The following POLDIP3 variants were observed in gnomAD, a reference collection of about 807,000 sequenced individuals.
POLDIP3 encodes the protein DNA polymerase delta interacting protein 3.
Under a neutral mutation model 45.1 loss-of-function variants are expected in POLDIP3, and 14 were observed. The observed-to-expected ratio is 0.31, with a 90% confidence interval of 0.20 to 0.49. The LOEUF is 0.49. Ranked by LOEUF, POLDIP3 falls within the 20% of genes least tolerant of loss-of-function variation. The pLI is 0.99. For missense variants in POLDIP3, 511 were observed against 538.8 expected, an observed-to-expected ratio of 0.95 and a Z score of 0.51; for synonymous variants, 223 against 205.2, an observed-to-expected ratio of 1.09 and a Z score of -0.74.
chr22:42,611,819 C>A (rs1019840053), intron 1 of POLDIP3, among the ~76,000 whole-genome samples: 2 of 152,120 alleles, frequency 1.3e-5, no homozygotes, highest in Admixed American at 1.3e-4. Flanking sequence ...AGAGGTTGCA[C>A]TGAGCTGAGA....
In POLDIP3 at chr22:42,589,575, C is replaced by A. The variant is rs1170209262; in HGVS notation, c.1022-2003G>T. Among the ~76,000 whole-genome samples, 4 of 152,032 alleles carry A rather than the reference C, an allele frequency of 2.6e-5. No individual in the cohort carries two copies. The East Asian group carries it at 7.7e-4, about 29-fold the overall frequency. ...CTCTAATCCCAGCACTTTGGGAAGC[C>A]CAGGTGGACGGATCACTTGAGGTCA... On this transcript the variant is annotated intron_variant, in intron 7 of 8. Coordinates refer to ENST00000252115, the MANE Select transcript of POLDIP3 (RefSeq NM_032311.5).
At chr22:42,613,451 G>A (rs1317825273) in intron 1 of POLDIP3, among the ~76,000 whole-genome samples, 2 of 152,152 alleles carry the variant, frequency 1.3e-5, no homozygotes, top group Non-Finnish European at 2.9e-5. Flanking sequence ...ACAGGCATAC[G>A]GGTGGTATTA....
Position 42,584,032 on chromosome 22 carries a change from G to C in POLDIP3, c.*1759C>G, listed in dbSNP as rs1281859735. The C allele has an allele frequency of 3.9e-5, 6 of 152,426 alleles. No homozygotes were observed. Among genetic ancestry groups the C allele is most frequent in the Admixed American group, 3.9e-4 (6 of 15,262 alleles). 9.4% of individuals were successfully genotyped at this position (152,426 alleles called of 1,614,324 possible). A position where few individuals can be genotyped will look rare whatever the true frequency, so the allele number is the denominator to read the frequency against. On this transcript the variant is annotated 3_prime_UTR_variant, in exon 9 of 9. Transcript: ENST00000252115. ...GTGACAACCAGAAGATACCTGCTTT[G>C]GGATGAGAGGGAGGATAAAGCCATG...
intron 5 of POLDIP3, 27 bp downstream of exon 5, chr22:42,596,159 C>T: frequency 1.2e-6 from 2 of 1,611,404 alleles, no homozygotes; most frequent in African/African-American, 2.7e-5. Flanking sequence ...CTGACCCCAA[C>T]TGCTGCAGTC....
chr22:42,595,608 G>A lies in POLDIP3; in HGVS notation c.820C>T (p.Leu274Phe), dbSNP rs1353383919. The A allele has an allele frequency of 6.2e-7, 1 of 1,613,796 alleles. No individual in the cohort carries two copies. Among genetic ancestry groups the A allele is most frequent in the Admixed American group, 1.7e-5 (1 of 60,020 alleles). ...PKELPAAEPV[L>F]SPLEGTKMTV... The stretch of plus-strand genomic sequence containing the variant: ...ATCTTGGTGCCTTCCAATGGGCTGA[G>A]AACAGGCTGCCACACAGACAAGAGC... Residue 274 changes from leucine to phenylalanine, a missense_variant, in exon 6 of 9, where the codon CTC (leucine) becomes TTC (phenylalanine). Coordinates refer to ENST00000252115, the MANE Select transcript of POLDIP3 (RefSeq NM_032311.5).
chr22:42,606,100 C>T (rs922028017), intron 1 of POLDIP3, among the ~76,000 whole-genome samples: 3 of 152,130 alleles, frequency 2.0e-5, no homozygotes, highest in African/African-American at 7.2e-5. Flanking sequence ...CAAGATCACA[C>T]CACTGCACTC....
chr22:42,613,630 G>A (rs1011247129), intron 1 of POLDIP3, among the ~76,000 whole-genome samples: 3 of 152,080 alleles, frequency 2.0e-5, no homozygotes, highest in South Asian at 4.2e-4. Context: ...GCGTGGTGGT[G>A]CACACCTGTA....
chr22:42,607,077 C>G (rs949404930), intron 1 of POLDIP3, among the ~76,000 whole-genome samples: 1 of 152,200 alleles, frequency 6.6e-6, no homozygotes, highest in Non-Finnish European at 1.5e-5. Context: ...CCAGCCTGGG[C>G]AACATGGCAA....
chr22:42,592,174 C>T lies in POLDIP3; in HGVS notation c.892-90G>A, dbSNP rs553743416. 139 of 1,565,786 alleles carry T rather than the reference C, an allele frequency of 8.9e-5. No individual in the cohort carries two copies. The African/African-American group carries it at 1.4e-3, about 16-fold the overall frequency. ...TGAAGGCCCTGGGGTGTGGTGGTTCCGCTGCAGCTAAATGCGCCCTGCGCC... is the reference window on the plus strand; with the variant it reads ...TGAAGGCCCTGGGGTGTGGTGGTTCTGCTGCAGCTAAATGCGCCCTGCGCC... On this transcript the variant is annotated intron_variant, in intron 6 of 8. Coordinates refer to ENST00000252115, the MANE Select transcript of POLDIP3 (RefSeq NM_032311.5).
At chr22:42,607,264 G>A (rs944403179) in intron 1 of POLDIP3, among the ~76,000 whole-genome samples, 3 of 152,186 alleles carry the variant, frequency 2.0e-5, no homozygotes, top group African/African-American at 4.8e-5. Context: ...GGCGCGCACC[G>A]CCATGCCTGA....
intron 6 of POLDIP3, among the ~76,000 whole-genome samples, chr22:42,593,640 T>G (rs994025207): frequency 3.9e-5 from 6 of 152,164 alleles, no homozygotes; most frequent in African/African-American, 1.4e-4. Flanking sequence ...TGCCTTAGCC[T>G]CCTGAGTAGC....
At chr22:42,606,911 T>C (rs1926764361) in intron 1 of POLDIP3, among the ~76,000 whole-genome samples, 1 of 152,062 alleles carries the variant, frequency 6.6e-6, no homozygotes, top group Admixed American at 6.5e-5. Context: ...AAGCATCAAT[T>C]AAATAAGCAT....
intron 6 of POLDIP3, 139 bp from the exon 7 acceptor site, chr22:42,592,223 C>A (rs544411155): frequency 4.7e-6 from 6 of 1,270,994 alleles, no homozygotes; most frequent in Non-Finnish European, 6.6e-6. Flanking sequence ...AGGCTCCACG[C>A]GAGGTGGTGC....
At chr22:42,607,305 G>A (rs1372865305) in intron 1 of POLDIP3, among the ~76,000 whole-genome samples, 1 of 152,256 alleles carries the variant, frequency 6.6e-6, no homozygotes, top group Non-Finnish European at 1.5e-5. Flanking sequence ...TGGAGACGGG[G>A]TTTCGCTGTG....
chr22:42,602,574 G>C (rs1926461997), intron 2 of POLDIP3, among the ~76,000 whole-genome samples, 196 bp downstream of exon 2: 1 of 150,900 alleles, frequency 6.6e-6, no homozygotes, highest in African/African-American at 2.4e-5. Context: ...TTTTTTTTTA[G>C]AACTGAGATA....
chr22:42,591,439 G>C (rs1286754078), intron 7 of POLDIP3, among the ~76,000 whole-genome samples: 1 of 152,186 alleles, frequency 6.6e-6, no homozygotes, highest in Non-Finnish European at 1.5e-5. Flanking sequence ...GTCCACAGTA[G>C]GCACTCAATA....
At chr22:42,593,131 T>C (rs965456105) in intron 6 of POLDIP3, among the ~76,000 whole-genome samples, 1 of 152,254 alleles carries the variant, frequency 6.6e-6, no homozygotes, top group African/African-American at 2.4e-5. Flanking sequence ...CTAGATTACT[T>C]ATAATACCAA....
At chr22:42,614,554 G>A (rs970032351) in intron 1 of POLDIP3, among the ~76,000 whole-genome samples, 5 of 152,156 alleles carry the variant, frequency 3.3e-5, no homozygotes, top group African/African-American at 1.2e-4. Context: ...GGTCCACGAG[G>A]CGGCACCCTG....
Position 42,595,580 on chromosome 22 carries a change from G to C in POLDIP3, c.848C>G (p.Thr283Ser), listed in dbSNP as rs770653011. The part of the protein sequence containing the change: ...VLSPLEGTKM[T>S]VNNLHPRVTE... ...GACTCGAGGGTGCAGATTATTCACA[G>C]TCATCTTGGTGCCTTCCAATGGGCT... The change falls in exon 6 of 9, where the codon ACT becomes AGT. Residue 283 changes from threonine to serine, a missense_variant. By Grantham distance (58) the Thr-to-Ser change is moderately conservative. Around this residue, in one of 4 missense-constraint regions of POLDIP3, gnomAD observed 66 missense variants for 118.1 expected, o/e 0.56. Transcript: ENST00000252115. The C allele has an allele frequency of 2.5e-5, 40 of 1,613,890 alleles. No homozygotes were observed. Among genetic ancestry groups the C allele is most frequent in the Non-Finnish European group, 3.3e-5 (39 of 1,179,972 alleles).
Sources: gnomAD v4.1 joint callset for allele counts (sites outside exome capture counted in the v4.1 genomes callset) on GRCh38, gnomAD v4.1.1 for gene constraint, gnomAD v4.1.1 regional missense constraint, MANE v1.5 for transcripts, NCBI Gene and HGNC (gene_info 2026-07-23, HGNC 2026-07-21) for gene names.